Variants in CENPX observed in about 807,000 individuals in gnomAD.
CENPX encodes FANCM associated histone fold protein 2.
CENPX carries 13 observed loss-of-function variants against 13.2 expected under a neutral mutation model. The ratio of observed to expected loss-of-function variants is 0.98; its 90% CI spans 0.64 to 1.56. CENPX has a LOEUF of 1.56. Among genes scored for constraint, CENPX ranks in the 40% most tolerant of loss-of-function variants. CENPX has a pLI of 0.00. For missense variants in CENPX, 138 were observed against 107.5 expected, an observed-to-expected ratio of 1.28 and a Z score of -1.26; for synonymous variants, 66 against 47.2, an observed-to-expected ratio of 1.40 and a Z score of -1.63.
At chr17:82,019,722 A>T (rs1360233385) in intron 2 of CENPX, 28 bp from the exon 3 acceptor site, 1 of 1,550,012 alleles carries the variant, frequency 6.5e-7, no homozygotes, top group Non-Finnish European at 8.7e-7. Context: ...GTTATGCGGG[A>T]CCCTCACCCA....
Position 82,022,856 on chromosome 17 carries a change from C to T in CENPX, c.6G>A (p.Glu2=), listed in dbSNP as rs778593660. Residue 2 remains glutamate (E), a synonymous_variant, in exon 1 of 5, where the codon GAG becomes GAA. Coordinates refer to ENST00000392359, the MANE Select transcript of CENPX (RefSeq NM_001271006.2). ...GGAAGCCGGATCCAGCTCCTGCTCC[C>T]TCCATGACCGCAGCCTCAACGCGCG... M[E]GAGAGSGFRK... 1.9e-6 allele frequency: 3 copies of T among 1,593,250 alleles called. 1 individual carries two copies. The highest frequency in any genetic ancestry group is 3.7e-4 in the Middle Eastern group (2 of 5,404).
At chr17:82,019,543 C>G (rs1397395400) in intron 3 of CENPX, 98 bp downstream of exon 3, 14 of 1,544,926 alleles carry the variant, frequency 9.1e-6, no homozygotes, top group African/African-American at 1.4e-5. Flanking sequence ...CAAGTTTAGG[C>G]CCTTGTGGGA....
chr17:82,019,364 C>T lies in CENPX; in HGVS notation c.160G>A (p.Val54Met), dbSNP rs780161606. ...GCGTCTTCTGCCTGGGCCTGCCGCA[C>T]GCCGCGGACTGCTGCTTCTGCGGTG... Reference protein sequence around the residue: ...VFVVEAAVRGVRQAQAEDALR... With the variant: ...VFVVEAAVRGMRQAQAEDALR... The change falls in exon 4 of 5, where the codon GTG (valine) becomes ATG (methionine). Residue 54 changes from valine to methionine, a missense_variant. Coordinates refer to ENST00000392359, the MANE Select transcript of CENPX (RefSeq NM_001271006.2). 4.0e-5 allele frequency: 62 copies of T among 1,559,438 alleles called. 1 individual carries two copies. The highest frequency in any genetic ancestry group is 2.4e-4 in the African/African-American group (18 of 74,154).
intron 1 of CENPX, 106 bp downstream of exon 1, chr17:82,022,720 A>C: frequency 1.5e-6 from 2 of 1,363,912 alleles, no homozygotes; most frequent in South Asian, 1.3e-5. Context: ...CCAACCTCAA[A>C]GGCACAGGGG....
chr17:82,019,992 CTG>C, intron 1 of CENPX, 83 bp from the exon 2 acceptor site: 1 of 1,280,276 alleles, frequency 7.8e-7, no homozygotes, highest in Non-Finnish European at 1.1e-6. Context: ...GTGACAGTGG[CTG>C]TGACTTCTGG....
chr17:82,019,708 G>T lies in CENPX; in HGVS notation c.89-14C>A, dbSNP rs1379891504. 6 of 1,550,178 alleles carry T rather than the reference G, an allele frequency of 3.9e-6. No homozygotes were observed. Among genetic ancestry groups the T allele is most frequent in the African/African-American group, 1.4e-5 (1 of 73,054 alleles). ...CGTCCCCGCTCACTGCAAGGCAGGG[G>T]GAGGTTATGCGGGACCCTCACCCAC... On this transcript the variant is annotated splice_polypyrimidine_tract_variant and intron_variant, in intron 2 of 4. Transcript: ENST00000392359.
At chr17:82,019,992 C>G (rs2043253235) in intron 1 of CENPX, 83 bp from the exon 2 acceptor site, 2 of 1,280,134 alleles carry the variant, frequency 1.6e-6, no homozygotes, top group Admixed American at 2.6e-5. Context: ...GTGACAGTGG[C>G]TGTGACTTCT....
Position 82,019,205 on chromosome 17 carries a change from C to T in CENPX, c.246G>A (p.Ter82=), listed in dbSNP as rs559835459. The T allele has an allele frequency of 1.9e-4, 299 of 1,579,696 alleles. No homozygotes were observed. Among genetic ancestry groups the T allele is most frequent in the Non-Finnish European group, 2.4e-4 (280 of 1,157,748 alleles). The change falls in exon 5 of 5, where the codon TAG becomes TAA. Residue 82 remains the stop codon, a stop_retained_variant. Coordinates refer to ENST00000392359, the MANE Select transcript of CENPX (RefSeq NM_001271006.2). ...KVLPQLLLDF[*] ...GTGGCCTCAGCCACGGCTGAGATCC[C>T]TAGAAGTCCAGGAGCTGTGGGGAAG...
Position 82,019,169 on chromosome 17 carries a change from C to A in CENPX, c.*36G>T. 1.3e-6 allele frequency: 2 copies of A among 1,524,742 alleles called. No homozygotes were observed. The highest frequency in any genetic ancestry group is 1.8e-6 in the Non-Finnish European group (2 of 1,134,500). 94.5% of individuals were successfully genotyped at this position (1,524,742 alleles called of 1,614,324 possible). A position where few individuals can be genotyped will look rare whatever the true frequency, so the allele number is the denominator to read the frequency against. On this transcript the variant is annotated 3_prime_UTR_variant, in exon 5 of 5. Coordinates refer to ENST00000392359, the MANE Select transcript of CENPX (RefSeq NM_001271006.2). The stretch of plus-strand genomic sequence containing the variant: ...AAGGCCTGCTTCTGTGGACCAGGGG[C>A]TCCTCTGGGGGTGGCCTCAGCCACG...
chr17:82,020,214 G>A (rs1449600601), intron 1 of CENPX, among the ~76,000 whole-genome samples: 1 of 152,282 alleles, frequency 6.6e-6, no homozygotes, highest in Non-Finnish European at 1.5e-5. Flanking sequence ...CAGGGAGAGA[G>A]TGGAGAAAGG....
chr17:82,019,703 C>A lies in CENPX; in HGVS notation c.89-9G>T, dbSNP rs1174536629. On this transcript the variant is annotated splice_polypyrimidine_tract_variant and intron_variant, in intron 2 of 4. Coordinates refer to ENST00000392359, the MANE Select transcript of CENPX (RefSeq NM_001271006.2). Reference sequence around the variant, plus strand: ...CAGCGCGTCCCCGCTCACTGCAAGGCAGGGGGAGGTTATGCGGGACCCTCA... The same window carrying A: ...CAGCGCGTCCCCGCTCACTGCAAGGAAGGGGGAGGTTATGCGGGACCCTCA... 1 of 1,550,324 alleles carries A rather than the reference C, an allele frequency of 6.5e-7. No homozygotes were observed. Among genetic ancestry groups the A allele is most frequent in the South Asian group, 1.2e-5 (1 of 84,066 alleles).
At chr17:82,022,731 G>T in intron 1 of CENPX, 95 bp downstream of exon 1, 1 of 1,417,954 alleles carries the variant, frequency 7.1e-7, no homozygotes, top group Non-Finnish European at 9.6e-7. Context: ...GGCACAGGGG[G>T]CGGCGCGGGG....
chr17:82,019,475 A>C, intron 3 of CENPX, 94 bp from the exon 4 acceptor site: 1 of 1,508,674 alleles, frequency 6.6e-7, no homozygotes, highest in Non-Finnish European at 8.9e-7. Context: ...CCCCCCCAAC[A>C]CCCACGGGCA....
chr17:82,019,585 G>C, intron 3 of CENPX, 56 bp downstream of exon 3: 1 of 1,549,804 alleles, frequency 6.5e-7, no homozygotes, highest in Non-Finnish European at 8.7e-7. Context: ...TTTCCCGCTG[G>C]AAAAACGCAA....
Position 82,019,232 on chromosome 17 carries a change from G to A in CENPX, c.232-13C>T, listed in dbSNP as rs764513946. On this transcript the variant is annotated splice_polypyrimidine_tract_variant and intron_variant, in intron 4 of 4. Transcript: ENST00000392359. ...AGAAGTCCAGGAGCTGTGGGGAAGAGAAGCACTTAGGGCCAGCCAGCCGGG... is the reference window on the plus strand; with the variant it reads ...AGAAGTCCAGGAGCTGTGGGGAAGAAAAGCACTTAGGGCCAGCCAGCCGGG... 2 of 1,592,618 alleles carry A rather than the reference G, an allele frequency of 1.3e-6. No individual in the cohort carries two copies. The highest frequency in any genetic ancestry group is 3.4e-5 in the Admixed American group (2 of 59,008).
intron 1 of CENPX, among the ~76,000 whole-genome samples, chr17:82,021,222 A>G (rs923674848): frequency 2.6e-5 from 4 of 151,930 alleles, no homozygotes; most frequent in African/African-American, 9.7e-5. Context: ...AGCAGGGTCC[A>G]GCATCCCGGC....
At chr17:82,019,957 AC>A in intron 1 of CENPX, 48 bp from the exon 2 acceptor site, 4 of 1,139,836 alleles carry the variant, frequency 3.5e-6, no homozygotes, top group Non-Finnish European at 3.6e-6. Flanking sequence ...TCCCCCCCGC[AC>A]CCCCCAGGGT....
At chr17:82,021,324 C>A (rs1047124343) in intron 1 of CENPX, among the ~76,000 whole-genome samples, 2 of 152,348 alleles carry the variant, frequency 1.3e-5, no homozygotes, top group African/African-American at 4.8e-5. Flanking sequence ...ACCTGCTGGT[C>A]CTTCCAGCTG....
intron 1 of CENPX, among the ~76,000 whole-genome samples, chr17:82,022,302 A>G (rs2043302028): frequency 6.6e-6 from 1 of 152,192 alleles, no homozygotes; most frequent in African/African-American, 2.4e-5. Context: ...AGGTGGGGTT[A>G]ATCCCTGTCA....
Sources: gnomAD v4.1 joint callset for allele counts (sites outside exome capture counted in the v4.1 genomes callset) on GRCh38, gnomAD v4.1.1 for gene constraint, MANE v1.5 for transcripts, NCBI Gene and HGNC (gene_info 2026-07-23, HGNC 2026-07-21) for gene names.